TEX48: variants seen among roughly 807,000 people sequenced by gnomAD.
The protein encoded by TEX48 is testis expressed 48, also known as testis-expressed protein 48.
A neutral mutation model predicts 13.2 loss-of-function variants in TEX48; 10 were observed. The ratio of observed to expected loss-of-function variants is 0.75; its 90% CI spans 0.47 to 1.28. The LOEUF is 1.28. Ranked by LOEUF, TEX48 falls within the 50% of genes most tolerant of loss-of-function variation. The pLI is 0.00. For synonymous variants in TEX48, 45 were observed against 52.3 expected, an observed-to-expected ratio of 0.86 and a Z score of 0.60; for missense variants, 116 against 139.4, an observed-to-expected ratio of 0.83 and a Z score of 0.84.
chr9:114,672,940 C>T (rs767642201), intron 1 of TEX48, among the ~76,000 whole-genome samples: 2 of 151,936 alleles, frequency 1.3e-5, no homozygotes, highest in Admixed American at 6.6e-5. Context: ...AGTAAACTTG[C>T]GAAAAGGTCA....
intron 1 of TEX48, among the ~76,000 whole-genome samples, chr9:114,675,960 G>A (rs1828053791): frequency 2.6e-5 from 4 of 152,170 alleles, no homozygotes; most frequent in Admixed American, 2.6e-4. Context: ...GAAGGCATGG[G>A]ATAAGTTAGG....
chr9:114,678,554 G>T (rs112640896), intron 1 of TEX48, among the ~76,000 whole-genome samples: 1 of 151,978 alleles, frequency 6.6e-6, no homozygotes, highest in Non-Finnish European at 1.5e-5. Context: ...AGTTCATTTC[G>T]TTGTTGACCT....
chr9:114,678,265 C>G (rs559338999), intron 1 of TEX48, among the ~76,000 whole-genome samples: 1 of 152,134 alleles, frequency 6.6e-6, no homozygotes, highest in Non-Finnish European at 1.5e-5. Context: ...TTACTACCCA[C>G]GTATACTCCT....
At chr9:114,680,602 T>C (rs1828177115) in intron 1 of TEX48, among the ~76,000 whole-genome samples, 1 of 152,212 alleles carries the variant, frequency 6.6e-6, no homozygotes, top group South Asian at 2.1e-4. Context: ...AAAATGGAAC[T>C]GTGTTTTCAA....
At chr9:114,671,174 C>G (rs1009751622) in intron 3 of TEX48, among the ~76,000 whole-genome samples, 1 of 152,178 alleles carries the variant, frequency 6.6e-6, no homozygotes, top group Non-Finnish European at 1.5e-5. Flanking sequence ...GCCAATATTG[C>G]TGGCCCATAG....
chr9:114,674,275 A>G (rs1828008744), intron 1 of TEX48, among the ~76,000 whole-genome samples: 1 of 130,084 alleles, frequency 7.7e-6, no homozygotes. Context: ...AATTCCTCCA[A>G]TTCCCCAATT....
At chr9:114,677,736 G>C (rs1828102439) in intron 1 of TEX48, among the ~76,000 whole-genome samples, 1 of 151,676 alleles carries the variant, frequency 6.6e-6, no homozygotes, top group South Asian at 2.1e-4. Flanking sequence ...CATGTGTTCT[G>C]TCTTGGTAAA....
In TEX48 at chr9:114,671,820, G is replaced by A. The variant is rs199890976; in HGVS notation, c.-97C>T. On this transcript the variant is annotated 5_prime_UTR_variant, in exon 2 of 5. Coordinates refer to ENST00000436752, the MANE Select transcript of TEX48 (RefSeq NM_001199233.2). ...GTTTGAGCCCAGTTCACTGGGCTGG[G>A]CTGTTTCCTAAGTAAACATAAGACC... 2.2e-6 allele frequency: 3 copies of A among 1,354,790 alleles called. No individual in the cohort carries two copies. The East Asian group carries it at 7.5e-5, about 34-fold the overall frequency. 83.9% of individuals were successfully genotyped at this position (1,354,790 alleles called of 1,614,324 possible).
intron 1 of TEX48, among the ~76,000 whole-genome samples, chr9:114,674,687 C>G (rs1414096082): frequency 7.1e-6 from 1 of 141,590 alleles, no homozygotes; most frequent in African/African-American, 2.6e-5. Flanking sequence ...CTCTCTTGCT[C>G]TCACTCTCTT....
chr9:114,669,660 C>G (rs1040755096), intron 3 of TEX48, among the ~76,000 whole-genome samples: 2 of 152,130 alleles, frequency 1.3e-5, no homozygotes, highest in East Asian at 3.9e-4. Flanking sequence ...AGGCTGGTCT[C>G]AAACTCCCAA....
chr9:114,668,270 C>T lies in TEX48; in HGVS notation c.195G>A (p.Leu65=). The change falls in exon 4 of 5, where the codon TTG becomes TTA. Residue 65 remains leucine (L), a synonymous_variant. Coordinates refer to ENST00000436752, the MANE Select transcript of TEX48 (RefSeq NM_001199233.2). ...NPKRINAVSH[L]PSRTPLIQTK... is the part of the protein sequence containing the mutation. Reference sequence around the variant, plus strand: ...TCTGGATCAGGGGTGTTCTCGAAGGCAAATGGGAGACTGCGTTAATGCGCT... The same window carrying T: ...TCTGGATCAGGGGTGTTCTCGAAGGTAAATGGGAGACTGCGTTAATGCGCT... 6.5e-7 allele frequency: 1 copy of T among 1,535,638 alleles called. No individual in the cohort carries two copies. Among genetic ancestry groups the T allele is most frequent in the South Asian group, 1.2e-5 (1 of 84,060 alleles).
At chr9:114,670,489 C>T (rs551622553) in intron 3 of TEX48, among the ~76,000 whole-genome samples, 1 of 118,512 alleles carries the variant, frequency 8.4e-6, no homozygotes, top group African/African-American at 3.1e-5. Flanking sequence ...GACAATAGTG[C>T]TTCTTTTTTT....
rs1241383909 is a variant in TEX48, at chr9:114,666,602, T to C, written c.*41A>G. ...CTCCTGTCCACCGCCCTCTTCCTCA[T>C]GGAGATGCCCCAGCAGCTGTGCAGC... On this transcript the variant is annotated 3_prime_UTR_variant, in exon 5 of 5. Transcript: ENST00000436752. 3.3e-6 allele frequency: 4 copies of C among 1,194,086 alleles called. No individual in the cohort carries two copies. The highest frequency in any genetic ancestry group is 1.4e-5 in the South Asian group (1 of 72,892). 74.0% of individuals were successfully genotyped at this position (1,194,086 alleles called of 1,614,324 possible).
At chr9:114,668,822 G>T (rs562224488) in intron 3 of TEX48, among the ~76,000 whole-genome samples, 1 of 151,996 alleles carries the variant, frequency 6.6e-6, no homozygotes, top group African/African-American at 2.4e-5. Context: ...ATGTATTATG[G>T]ATGAATTTTA....
At chr9:114,671,081 G>A (rs573538915) in intron 3 of TEX48, among the ~76,000 whole-genome samples, 5 of 152,210 alleles carry the variant, frequency 3.3e-5, no homozygotes, top group Admixed American at 6.5e-5. Context: ...AATTTACCTG[G>A]AGATCCTGTT....
chr9:114,672,781 A>C (rs1827973772), intron 1 of TEX48, among the ~76,000 whole-genome samples: 1 of 152,236 alleles, frequency 6.6e-6, no homozygotes, highest in African/African-American at 2.4e-5. Context: ...AAAAATGGGT[A>C]TAGTAGATGG....
chr9:114,670,223 A>G (rs1466650387), intron 3 of TEX48, among the ~76,000 whole-genome samples: 1 of 152,240 alleles, frequency 6.6e-6, no homozygotes, highest in Non-Finnish European at 1.5e-5. Flanking sequence ...CCCAGTGTCT[A>G]GACAGTGCTT....
At chr9:114,679,466 TGAG>T (rs1464780269) in intron 1 of TEX48, among the ~76,000 whole-genome samples, 3 of 152,114 alleles carry the variant, frequency 2.0e-5, no homozygotes, top group Admixed American at 1.3e-4. Context: ...TGAGTCTTTC[TGAG>T]GAGAACTTTG....
intron 1 of TEX48, among the ~76,000 whole-genome samples, chr9:114,677,642 TCTGGAGTTTTA>T (rs932792899): frequency 6.6e-6 from 1 of 152,168 alleles, no homozygotes; most frequent in Non-Finnish European, 1.5e-5. Context: ...GCCCTGAGTG[TCTGGAGTTTTA>T]CTGGAGTGGT....
Sources: allele counts gnomAD v4.1 joint callset (sites outside exome capture counted in the v4.1 genomes callset), GRCh38; gene constraint gnomAD v4.1.1; transcripts MANE v1.5; gene names NCBI Gene and HGNC (gene_info 2026-07-23, HGNC 2026-07-21).